The following LEMD3 variants were observed in gnomAD, a reference collection of about 807,000 sequenced individuals.
The protein encoded by LEMD3 is LEM domain containing 3.
LEMD3 carries 33 observed loss-of-function variants against 95.2 expected under a neutral mutation model. The observed-to-expected ratio is 0.35, with a 90% CI of 0.26 to 0.46. LEMD3 has a LOEUF of 0.46. Ranked by LOEUF, LEMD3 falls within the 20% of genes least tolerant of loss-of-function variation. LEMD3 has a pLI of 1.00. For missense variants in LEMD3, 1,210 were observed against 1,192.8 expected (o/e 1.01, Z -0.21); for synonymous variants, 525 against 474.6 (o/e 1.11, Z -1.38).
At chr12:65,236,107 A>G (rs899396608) in intron 4 of LEMD3, among the ~76,000 whole-genome samples, 1 of 152,260 alleles carries the variant, frequency 6.6e-6, no homozygotes, top group Non-Finnish European at 1.5e-5. Flanking sequence ...GAAGTAAACT[A>G]TACTGATCAA....
At chr12:65,200,952 A>T (rs1449794306) in intron 1 of LEMD3, among the ~76,000 whole-genome samples, 1 of 152,078 alleles carries the variant, frequency 6.6e-6, no homozygotes, top group East Asian at 1.9e-4. Flanking sequence ...TAGGTGTGTG[A>T]TCCATTTTGA....
intron 4 of LEMD3, among the ~76,000 whole-genome samples, chr12:65,226,573 C>A (rs940484262): frequency 2.0e-5 from 3 of 152,132 alleles, no homozygotes; most frequent in African/African-American, 7.2e-5. Flanking sequence ...TGTGATTATG[C>A]TTGTCAACAA....
intron 1 of LEMD3, among the ~76,000 whole-genome samples, chr12:65,188,265 C>T (rs994750518): frequency 2.0e-5 from 3 of 151,966 alleles, no homozygotes; most frequent in African/African-American, 7.3e-5. Context: ...GGTTGAAGTA[C>T]ACTATATAAG....
chr12:65,183,567 CAGTG>C (rs1868970578), intron 1 of LEMD3, among the ~76,000 whole-genome samples: 1 of 152,068 alleles, frequency 6.6e-6, no homozygotes, highest in Admixed American at 6.6e-5. Flanking sequence ...TAGACATAGA[CAGTG>C]AGGTATGGAG....
intron 1 of LEMD3, among the ~76,000 whole-genome samples, chr12:65,179,961 T>G (rs1418036856): frequency 6.6e-6 from 1 of 152,182 alleles, no homozygotes; most frequent in East Asian, 1.9e-4. Context: ...TTTATTTTTT[T>G]GGAGACAGGA....
At chr12:65,178,476 C>A (rs1436911133) in intron 1 of LEMD3, among the ~76,000 whole-genome samples, 1 of 152,168 alleles carries the variant, frequency 6.6e-6, no homozygotes, top group African/African-American at 2.4e-5. Flanking sequence ...CTTCCACTTA[C>A]TAGCTTTTTT....
intron 1 of LEMD3, among the ~76,000 whole-genome samples, chr12:65,200,372 A>G (rs552156668): frequency 6.6e-6 from 1 of 152,238 alleles, no homozygotes; most frequent in Non-Finnish European, 1.5e-5. Flanking sequence ...CTTCTGGTTC[A>G]ATAAATCTGT....
intron 4 of LEMD3, among the ~76,000 whole-genome samples, chr12:65,233,715 A>G (rs554840484): frequency 2.6e-5 from 4 of 152,154 alleles, no homozygotes; most frequent in Middle Eastern, 3.4e-3. Context: ...TTCTCCCTAT[A>G]CCAGTGCCTT....
In LEMD3 at chr12:65,231,888, G is replaced by A. The variant is rs964442414; in HGVS notation, c.1696-6614G>A. Among the ~76,000 whole-genome samples the A allele has an allele frequency of 4.0e-5, 6 of 151,606 alleles. No homozygotes were observed. In the East Asian group the frequency reaches 9.7e-4, roughly 24 times the overall value. On this transcript the variant is annotated intron_variant, in intron 4 of 12. Coordinates refer to ENST00000308330, the MANE Select transcript of LEMD3 (RefSeq NM_014319.5). ...CATGTGTCTTTCCCTTGAAATTATT[G>A]TGTGTATTTCAAAAACCGTTGAATG... is the stretch of plus-strand genomic sequence containing the variant.
At position 65,215,959 on chromosome 12, in the gene LEMD3, A is replaced by T; in HGVS notation, c.1561-18A>T. On this transcript the variant is annotated intron_variant, in intron 2 of 12. Coordinates refer to ENST00000308330, the MANE Select transcript of LEMD3 (RefSeq NM_014319.5). ...TTCTTGTAATTGGGTATTTCATAATAACTTCTCTTAATTTTAGGAAAGTGA... is the reference window on the plus strand; with the variant it reads ...TTCTTGTAATTGGGTATTTCATAATTACTTCTCTTAATTTTAGGAAAGTGA... 1 of 1,222,108 alleles carries T rather than the reference A, an allele frequency of 8.2e-7. No individual in the cohort carries two copies. The highest frequency in any genetic ancestry group is 1.2e-6 in the Non-Finnish European group (1 of 849,372). 75.7% of individuals were successfully genotyped at this position (1,222,108 alleles called of 1,614,324 possible).
At chr12:65,176,218 G>C (rs752320975) in intron 1 of LEMD3, among the ~76,000 whole-genome samples, 4 of 152,136 alleles carry the variant, frequency 2.6e-5, no homozygotes, top group Non-Finnish European at 4.4e-5. Flanking sequence ...CTTTCTCTTA[G>C]TTATTGGCCA....
Position 65,169,766 on chromosome 12 carries a change from G to C in LEMD3, c.170G>C (p.Gly57Ala), listed in dbSNP as rs1254835738. ...GAAGAGCAGCAACAGCACCGGTCAGGGGGCCGCGGCAACAAGACGCGGAAC... is the reference window on the plus strand; with the variant it reads ...GAAGAGCAGCAACAGCACCGGTCAGCGGGCCGCGGCAACAAGACGCGGAAC... Reference protein sequence around the residue: ...REEEQQQHRSGGRGNKTRNSN... With the variant: ...REEEQQQHRSAGRGNKTRNSN... Residue 57 changes from glycine (G) to alanine (A), a missense_variant, in exon 1 of 13, where the codon GGG becomes GCG. By Grantham distance (60) the Gly-to-Ala change is moderately conservative (BLOSUM62 0). This residue lies in a region of LEMD3 where 749 missense variants were observed against 622.9 expected (regional missense o/e 1.20). Coordinates refer to ENST00000308330, the MANE Select transcript of LEMD3 (RefSeq NM_014319.5). 18 of 1,586,258 alleles carry C rather than the reference G, an allele frequency of 1.1e-5. No individual in the cohort carries two copies. The highest frequency in any genetic ancestry group is 1.5e-5 in the Non-Finnish European group (18 of 1,165,946).
intron 2 of LEMD3, among the ~76,000 whole-genome samples, chr12:65,213,724 C>T (rs1870015428): frequency 6.6e-6 from 1 of 152,158 alleles, no homozygotes; most frequent in Admixed American, 6.5e-5. Flanking sequence ...AGTTTATTCG[C>T]AGGTCCCTCT....
At chr12:65,226,286 T>C (rs1870446142) in intron 4 of LEMD3, among the ~76,000 whole-genome samples, 1 of 152,284 alleles carries the variant, frequency 6.6e-6, no homozygotes, top group African/African-American at 2.4e-5. Flanking sequence ...CACTGCCCTG[T>C]GGGGTGATGA....
In LEMD3 at chr12:65,216,057, C is replaced by G; in HGVS notation, c.1627+14C>G. On this transcript the variant is annotated intron_variant, in intron 3 of 12. Transcript: ENST00000308330. ...CACAGCTTGCAGGTAATTGTTTTAA[C>G]TTTTATAGTTGCTAAAAATGTTTTG... is the stretch of plus-strand genomic sequence containing the variant. 1 of 1,531,372 alleles carries G rather than the reference C, an allele frequency of 6.5e-7. No individual in the cohort carries two copies. The allele number at this position is 1,531,372 out of a possible 1,614,324, so 94.9% of individuals were successfully genotyped here.
intron 1 of LEMD3, among the ~76,000 whole-genome samples, chr12:65,175,294 C>T (rs553848646): frequency 1.5e-4 from 23 of 152,174 alleles, no homozygotes; most frequent in Non-Finnish European, 2.8e-4. Context: ...TTTAAAATCT[C>T]ATTTTCCACT....
At chr12:65,174,303 A>G (rs1435327939) in intron 1 of LEMD3, among the ~76,000 whole-genome samples, 1 of 152,084 alleles carries the variant, frequency 6.6e-6, no homozygotes, top group Non-Finnish European at 1.5e-5. Context: ...TCCAGCTCCA[A>G]GATTTAAGAT....
chr12:65,224,066 A>G (rs936461960), intron 4 of LEMD3, among the ~76,000 whole-genome samples: 3 of 151,496 alleles, frequency 2.0e-5, no homozygotes, highest in African/African-American at 7.3e-5. Flanking sequence ...CATATTGTGT[A>G]TCATCAACAT....
chr12:65,170,069 G>T lies in LEMD3; in HGVS notation c.473G>T (p.Gly158Val). Residue 158 changes from glycine (G) to valine (V), a missense_variant, in exon 1 of 13, where the codon GGG becomes GTG. By Grantham distance (109) the Gly-to-Val change is moderately radical. Around this residue, in one of 2 missense-constraint regions of LEMD3, gnomAD observed 749 missense variants for 622.9 expected, o/e 1.20. Transcript: ENST00000308330. ...ASPRDQAGGG[G>V]RKDRASLQYR... is the part of the protein sequence containing the mutation. ...CCCCGGGACCAGGCCGGCGGCGGCG[G>T]GAGGAAAGACCGGGCTTCGCTCCAG... 1 of 1,489,784 alleles carries T rather than the reference G, an allele frequency of 6.7e-7. No individual in the cohort carries two copies. Among genetic ancestry groups the T allele is most frequent in the Non-Finnish European group, 8.9e-7 (1 of 1,129,336 alleles). The allele number at this position is 1,489,784 out of a possible 1,614,324, so 92.3% of individuals were successfully genotyped here. A position where few individuals can be genotyped will look rare whatever the true frequency, so the allele number is the denominator to read the frequency against.
Sources: allele counts gnomAD v4.1 joint callset (sites outside exome capture counted in the v4.1 genomes callset), GRCh38; gene constraint gnomAD v4.1.1; regional missense constraint gnomAD v4.1.1; transcripts MANE v1.5; gene names NCBI Gene and HGNC (gene_info 2026-07-23, HGNC 2026-07-21).